NCOA3: variants seen among roughly 807,000 people sequenced by gnomAD.
The protein encoded by NCOA3 is nuclear receptor coactivator 3.
In NCOA3, 51 loss-of-function variants were observed where a neutral mutation model predicts 158.8. That is an observed-to-expected ratio of 0.32 (90% CI 0.26 to 0.41). The LOEUF (loss-of-function observed/expected upper bound fraction) is 0.41, where lower values mean the gene tolerates loss of function less well. Ranked by LOEUF, NCOA3 falls within the 10% of genes least tolerant of loss-of-function variation. The probability of loss-of-function intolerance (pLI) is 1.00; values close to 1 mark genes in which losing one functional copy is unlikely to be tolerated. For synonymous variants in NCOA3, 537 were observed against 592.4 expected (o/e 0.91, Z 1.36); for missense variants, 1,510 against 1,746.6 (o/e 0.86, Z 2.41).
At chr20:47,634,863 AT>A (rs974855244) in intron 10 of NCOA3, among the ~76,000 whole-genome samples, 2 of 148,726 alleles carry the variant, frequency 1.3e-5, no homozygotes, top group Non-Finnish European at 3.0e-5. Context: ...AATTCATCCC[AT>A]TTTTTTATTC....
chr20:47,505,503 T>TA (rs1259445488), intron 1 of NCOA3, among the ~76,000 whole-genome samples: 2 of 152,150 alleles, frequency 1.3e-5, no homozygotes, highest in African/African-American at 2.4e-5. Flanking sequence ...CACAATTTAA[T>TA]ACAGTTGTTA....
chr20:47,627,496 C>G (rs1006279226), intron 6 of NCOA3, 65 bp from the exon 7 acceptor site: 2 of 1,284,162 alleles, frequency 1.6e-6, no homozygotes, highest in Admixed American at 2.2e-5. Context: ...AGCTTGAATT[C>G]TTGATGATGG....
chr20:47,537,513 A>C (rs1345776235), intron 1 of NCOA3, among the ~76,000 whole-genome samples: 2 of 152,114 alleles, frequency 1.3e-5, no homozygotes, highest in East Asian at 3.8e-4. Context: ...CTAGGAAAGA[A>C]AATGTAAAAC....
In NCOA3 at chr20:47,502,702, C is replaced by CG. The variant is rs1556552776; in HGVS notation, c.-99+683_-99+684insG. Among the ~76,000 whole-genome samples, 340 of 139,330 alleles carry CG rather than the reference C, an allele frequency of 2.4e-3. 3 individuals are homozygous for CG. In the East Asian group the frequency reaches 0.048, roughly 20 times the overall value. The allele number at this position is 139,330 out of a possible 152,430, so 91.4% of individuals were successfully genotyped here. ...AGGAGTTTGGCTGTCTTTATTACTA[C>CG]TTTTTTTTTTTTTTTGCTCTCCCCA... On this transcript the variant is annotated intron_variant, in intron 1 of 22. Coordinates refer to ENST00000371998, the MANE Select transcript of NCOA3 (RefSeq NM_181659.3).
intron 1 of NCOA3, among the ~76,000 whole-genome samples, chr20:47,542,734 G>A (rs1346062344): frequency 6.6e-6 from 1 of 152,192 alleles, no homozygotes; most frequent in Non-Finnish European, 1.5e-5. Flanking sequence ...AGCCCAGGCG[G>A]GTGGATCATT....
intron 1 of NCOA3, among the ~76,000 whole-genome samples, chr20:47,514,323 C>G: frequency 6.6e-6 from 1 of 152,070 alleles, no homozygotes; most frequent in Middle Eastern, 3.4e-3. Context: ...CTACATATCA[C>G]AACAGTCTCA....
intron 1 of NCOA3, among the ~76,000 whole-genome samples, chr20:47,504,159 T>C (rs1294404507): frequency 6.6e-6 from 1 of 152,208 alleles, no homozygotes; most frequent in African/African-American, 2.4e-5. Context: ...CACTAACAAT[T>C]TGCTAAGGAA....
intron 1 of NCOA3, among the ~76,000 whole-genome samples, chr20:47,528,528 A>G (rs990970057): frequency 1.3e-5 from 2 of 152,176 alleles, no homozygotes; most frequent in African/African-American, 2.4e-5. Flanking sequence ...GAAAAACCCA[A>G]TCTTTATGGC....
rs144841365 is a variant in NCOA3 at position 47,554,803 on chromosome 20, A to G, written c.-98-28380A>G. On this transcript the variant is annotated intron_variant, in intron 1 of 22. Transcript: ENST00000371998. ...CTGCCCAAGGTAATTTATAGATTCAATGCCATCCCCATCGAGCTACCAATG... is the reference window on the plus strand; with the variant it reads ...CTGCCCAAGGTAATTTATAGATTCAGTGCCATCCCCATCGAGCTACCAATG... Among the ~76,000 whole-genome samples the G allele has an allele frequency of 6.6e-3, 1,008 of 152,268 alleles. 11 individuals carry two copies. The highest frequency in any genetic ancestry group is 0.023 in the African/African-American group (959 of 41,538).
intron 1 of NCOA3, among the ~76,000 whole-genome samples, chr20:47,560,107 T>G (rs537604376): frequency 6.6e-6 from 1 of 152,244 alleles, no homozygotes; most frequent in Non-Finnish European, 1.5e-5. Flanking sequence ...TTGGAGACAG[T>G]TTCGCTCTGT....
intron 14 of NCOA3, 141 bp downstream of exon 14, chr20:47,639,343 T>C: frequency 1.1e-6 from 1 of 947,274 alleles, no homozygotes; most frequent in South Asian, 1.7e-5. Flanking sequence ...CCTTCATTTA[T>C]TCTATGTTTT....
Position 47,639,795 on chromosome 20 carries a change from C to T in NCOA3, c.2926C>T (p.Gln976Ter). 1 of 1,614,210 alleles carries T rather than the reference C, an allele frequency of 6.2e-7. No homozygotes were observed. The highest frequency in any genetic ancestry group is 8.5e-7 in the Non-Finnish European group (1 of 1,180,032). Residue 976 changes from glutamine to a stop codon, truncating the protein, a stop_gained, in exon 15 of 23, where the codon CAA (glutamine) becomes TAA (stop). Coordinates refer to ENST00000371998, the MANE Select transcript of NCOA3 (RefSeq NM_181659.3). LOFTEE classifies it high-confidence loss of function. ...NSIPGARPVLQQQQQMLQMRP... is the reference protein window; with the variant it reads ...NSIPGARPVL ...CATACCAGGTGCGAGACCAGTATTG[C>T]AACAGCAGCAGCAGATGCTTCAAAT...
chr20:47,637,922 T>G, intron 13 of NCOA3, 139 bp downstream of exon 13: 4 of 746,936 alleles, frequency 5.4e-6, no homozygotes, highest in Non-Finnish European at 7.9e-6. Flanking sequence ...TTTTCTATAC[T>G]AATTTATATG....
chr20:47,550,134 AT>A lies in NCOA3; in HGVS notation c.-98-33034del, dbSNP rs3092339. ...TCCCGTTTTACTGTGTTGTATTTCA[AT>A]TTTTTTTTTTTTTTAAAAGGGTTTG... On this transcript the variant is annotated intron_variant, in intron 1 of 22. Transcript: ENST00000371998. Among the ~76,000 whole-genome samples, 305 of 144,506 alleles carry A rather than the reference AT, an allele frequency of 2.1e-3. 1 individual carries two copies. Among genetic ancestry groups the A allele is most frequent in the Admixed American group, 3.6e-3 (51 of 14,312 alleles). 94.8% of individuals were successfully genotyped at this position (144,506 alleles called of 152,430 possible).
rs2085482206 is a variant in NCOA3 at position 47,583,260 on chromosome 20, A to G, written c.-21A>G. ...TTGAACATCCTTTGACTGGTTAGCC[A>G]GGTAATTCAGCTTTAGTTTGATTTG... On this transcript the variant is annotated splice_region_variant and 5_prime_UTR_variant, in exon 2 of 23. Transcript: ENST00000371998. 1.3e-5 allele frequency: 5 copies of G among 398,504 alleles called. No individual in the cohort carries two copies. The highest frequency in any genetic ancestry group is 2.2e-5 in the Non-Finnish European group (5 of 226,056). The allele number at this position is 398,504 out of a possible 1,614,324, so 24.7% of individuals were successfully genotyped here.
rs540998986 is a variant in NCOA3, at chr20:47,606,376, C to T, written c.-19-15853C>T. On this transcript the variant is annotated intron_variant, in intron 2 of 22. Coordinates refer to ENST00000371998, the MANE Select transcript of NCOA3 (RefSeq NM_181659.3). ...GGTGTTTGCACCGATGGTGGAAATG[C>T]GGTGATGCATAAAATTGCTGACACC... Among the ~76,000 whole-genome samples, 7 of 152,234 alleles carry T rather than the reference C, an allele frequency of 4.6e-5. No homozygotes were observed. The South Asian group carries it at 8.3e-4, about 18-fold the overall frequency.
chr20:47,650,858 G>A, intron 19 of NCOA3, 124 bp from the exon 20 acceptor site: 2 of 928,530 alleles, frequency 2.2e-6, no homozygotes, highest in Non-Finnish European at 3.3e-6. Context: ...GTGAGACCCT[G>A]TTAAAAAAAA....
intron 1 of NCOA3, among the ~76,000 whole-genome samples, chr20:47,556,085 C>T (rs530451842): frequency 6.6e-6 from 1 of 152,052 alleles, no homozygotes; most frequent in South Asian, 2.1e-4. Context: ...CAGGCATGTG[C>T]CACCATGCCT....
chr20:47,511,204 G>A (rs1395147216), intron 1 of NCOA3, among the ~76,000 whole-genome samples: 1 of 151,482 alleles, frequency 6.6e-6, no homozygotes, highest in Non-Finnish European at 1.5e-5. Flanking sequence ...GGCCATCAGG[G>A]TACAGCATGT....
Sources: allele counts gnomAD v4.1 joint callset (sites outside exome capture counted in the v4.1 genomes callset), GRCh38; gene constraint gnomAD v4.1.1; transcripts MANE v1.5; gene names NCBI Gene and HGNC (gene_info 2026-07-23, HGNC 2026-07-21).